The following PLAAT3 variants were observed in gnomAD, a reference collection of about 807,000 sequenced individuals.
PLAAT3 encodes Ca-independent phospholipase A1/2.
Under a neutral mutation model 16.7 loss-of-function variants are expected in PLAAT3, and 21 were observed. The ratio of observed to expected loss-of-function variants is 1.26; its 90% CI spans 0.89 to 1.81. The LOEUF (loss-of-function observed/expected upper bound fraction) is 1.81. PLAAT3 is among the 40% of genes most tolerant of loss of function. The pLI is 0.00. For synonymous variants in PLAAT3, 76 were observed against 81.7 expected (o/e 0.93, Z 0.38); for missense variants, 219 against 213.7 (o/e 1.02, Z -0.16).
upstream of PLAAT3, among the ~76,000 whole-genome samples, chr11:63,615,058 A>ATATGTGTATATATGTGTGTG (rs1243535303): frequency 1.9e-4 from 8 of 42,234 alleles, no homozygotes; most frequent in Non-Finnish European, 4.3e-4. Context: ...ATATGTGTAT[A>ATATGTGTATATATGTGTGTG]TATATGTGTG....
At position 63,574,939 on chromosome 11, in the gene PLAAT3, T is replaced by G. The variant is rs1184931843; in HGVS notation, c.*6A>C. The G allele has an allele frequency of 6.4e-7, 1 of 1,568,178 alleles. No individual in the cohort carries two copies. The highest frequency in any genetic ancestry group is 1.7e-5 in the Admixed American group (1 of 59,984). On this transcript the variant is annotated 3_prime_UTR_variant, in exon 5 of 5. Transcript: ENST00000415826. ...AAGTCATCGCTGACAGGACAGTCTTTTTCAGTTATTGCTTTTGTCGCTTGT... is the reference window on the plus strand; with the variant it reads ...AAGTCATCGCTGACAGGACAGTCTTGTTCAGTTATTGCTTTTGTCGCTTGT...
chr11:63,583,457 A>T (rs1937879889), intron 4 of PLAAT3, among the ~76,000 whole-genome samples: 1 of 152,246 alleles, frequency 6.6e-6, no homozygotes, highest in Non-Finnish European at 1.5e-5. Context: ...CATACAAAAG[A>T]TACTTTGTCA....
intron 4 of PLAAT3, among the ~76,000 whole-genome samples, chr11:63,580,513 G>A (rs187411538): frequency 7.8e-4 from 118 of 152,248 alleles, no homozygotes; most frequent in African/African-American, 2.5e-3. Flanking sequence ...AATTAGCCAG[G>A]CGTGGTGGCA....
rs1163678676 is a variant in PLAAT3, at chr11:63,574,705, A to T, written c.*240T>A. On this transcript the variant is annotated 3_prime_UTR_variant, in exon 5 of 5. Transcript: ENST00000415826. ...CAAAGAACACAGCACGCAAAAAGAA[A>T]GTGAAAGACAATCCCTGACCAGGAA... The T allele has an allele frequency of 2.0e-6, 1 of 507,006 alleles. No homozygotes were observed. The highest frequency in any genetic ancestry group is 3.4e-5 in the East Asian group (1 of 29,210). 31.4% of individuals were successfully genotyped at this position (507,006 alleles called of 1,614,324 possible). A position where few individuals can be genotyped will look rare whatever the true frequency, so the allele number is the denominator to read the frequency against.
chr11:63,577,436 C>T (rs1382744608), intron 4 of PLAAT3, among the ~76,000 whole-genome samples: 2 of 152,134 alleles, frequency 1.3e-5, no homozygotes, highest in African/African-American at 4.8e-5. Context: ...TCCCAAAGTG[C>T]TAGGATTACA....
chr11:63,601,060 T>TAA (rs1226583705), intron 2 of PLAAT3, among the ~76,000 whole-genome samples: 3 of 148,926 alleles, frequency 2.0e-5, no homozygotes, highest in Non-Finnish European at 3.0e-5. Context: ...AAAAAATTTT[T>TAA]TTTTTTTTTT....
At chr11:63,615,036 A>ATATATATATATATGTC (rs1430716959), upstream of PLAAT3, among the ~76,000 whole-genome samples, 12 of 23,298 alleles carry the variant, frequency 5.2e-4, 1 homozygote, top group South Asian at 0.013. Context: ...ATGTGTGTAT[A>ATATATATATATATGTC]TATATGTATA....
intron 4 of PLAAT3, among the ~76,000 whole-genome samples, chr11:63,579,867 T>C (rs1157094135): frequency 4.4e-5 from 4 of 89,930 alleles, no homozygotes; most frequent in African/African-American, 1.9e-4. Flanking sequence ...AAACTTAAAG[T>C]ATAATAAAAA....
intron 1 of PLAAT3, 130 bp from the exon 2 acceptor site, chr11:63,614,198 C>T: frequency 1.4e-6 from 1 of 735,518 alleles, no homozygotes. Context: ...CCACCTCGCT[C>T]CCTTTAACAA....
At chr11:63,597,458 G>A (rs1042974617) in intron 3 of PLAAT3, among the ~76,000 whole-genome samples, 13 of 152,144 alleles carry the variant, frequency 8.5e-5, no homozygotes, top group South Asian at 2.1e-4. Context: ...CCCAGGAGGC[G>A]GAGCTTGCAG....
At chr11:63,586,805 C>T (rs1937990727) in intron 4 of PLAAT3, among the ~76,000 whole-genome samples, 1 of 152,048 alleles carries the variant, frequency 6.6e-6, no homozygotes, top group African/African-American at 2.4e-5. Context: ...ATAAATGGGC[C>T]AGGCACAGTG....
chr11:63,596,719 T>C (rs1161040444), intron 3 of PLAAT3, among the ~76,000 whole-genome samples: 3 of 151,920 alleles, frequency 2.0e-5, no homozygotes, highest in African/African-American at 7.3e-5. Context: ...AGGGACTATA[T>C]GGGAGGTGAC....
chr11:63,592,508 G>A (rs1938178214), intron 3 of PLAAT3, among the ~76,000 whole-genome samples: 1 of 152,146 alleles, frequency 6.6e-6, no homozygotes, highest in South Asian at 2.1e-4. Context: ...TGAGTCTACT[G>A]AAGAAAATAT....
intron 4 of PLAAT3, among the ~76,000 whole-genome samples, chr11:63,586,575 T>C (rs1379918811): frequency 5.3e-5 from 8 of 152,246 alleles, no homozygotes; most frequent in Non-Finnish European, 4.4e-5. Context: ...AAGGTTGTCT[T>C]GTACTCTGTA....
At chr11:63,615,068 G>GTGTATATGTATA (rs1207959629), upstream of PLAAT3, among the ~76,000 whole-genome samples, 1 of 30,266 alleles carries the variant, frequency 3.3e-5, no homozygotes, top group Non-Finnish European at 1.1e-4. Flanking sequence ...ATATATGTGT[G>GTGTATATGTATA]TATATATGTG....
At chr11:63,587,340 T>C (rs1938007961) in intron 4 of PLAAT3, among the ~76,000 whole-genome samples, 1 of 151,788 alleles carries the variant, frequency 6.6e-6, no homozygotes, top group Non-Finnish European at 1.5e-5. Flanking sequence ...ATAGATCACA[T>C]ACAAACAATA....
chr11:63,611,995 A>G (rs1938705028), intron 2 of PLAAT3, among the ~76,000 whole-genome samples: 2 of 152,140 alleles, frequency 1.3e-5, no homozygotes, highest in African/African-American at 4.8e-5. Flanking sequence ...AAAATTAGCC[A>G]GGCGCGGTGG....
intron 4 of PLAAT3, among the ~76,000 whole-genome samples, chr11:63,586,203 G>A (rs1937972534): frequency 6.6e-6 from 1 of 152,112 alleles, no homozygotes; most frequent in Admixed American, 6.5e-5. Context: ...GCGCAATCTT[G>A]GCTCACTGCA....
chr11:63,582,041 T>A lies in PLAAT3; in HGVS notation c.388-6995A>T, dbSNP rs115483111. Among the ~76,000 whole-genome samples the A allele has an allele frequency of 5.6e-3, 857 of 152,314 alleles. 8 individuals are homozygous for A. Among genetic ancestry groups the A allele is most frequent in the African/African-American group, 0.02 (818 of 41,578 alleles). ...ACTGTTGATAATAAATTGTGGAGTC[T>A]TAAGCCACTAACTTTGTACTAATTT... On this transcript the variant is annotated intron_variant, in intron 4 of 4. Transcript: ENST00000415826.
Sources: allele counts gnomAD v4.1 joint callset (sites outside exome capture counted in the v4.1 genomes callset), GRCh38; gene constraint gnomAD v4.1.1; transcripts MANE v1.5; gene names NCBI Gene and HGNC (gene_info 2026-07-23, HGNC 2026-07-21).